PRICKLE2: variants seen among roughly 807,000 people sequenced by gnomAD.
The protein encoded by PRICKLE2 is prickle planar cell polarity protein 2.
Under a neutral mutation model 81.4 loss-of-function variants are expected in PRICKLE2, and 21 were observed. The ratio of observed to expected loss-of-function variants is 0.26; its 90% confidence interval spans 0.18 to 0.37. PRICKLE2 has a LOEUF of 0.37. Ranked by LOEUF, PRICKLE2 falls within the 10% of genes least tolerant of loss-of-function variation. The pLI is 1.00. For synonymous variants in PRICKLE2, 456 were observed against 421.5 expected, an observed-to-expected ratio of 1.08 and a Z score of -1.00; for missense variants, 940 against 1,109.0, an observed-to-expected ratio of 0.85 and a Z score of 2.16.
At chr3:64,225,884 C>T (rs1205002325), upstream of PRICKLE2, among the ~76,000 whole-genome samples, 6 of 150,400 alleles carry the variant, frequency 4.0e-5, no homozygotes, top group Non-Finnish European at 7.4e-5. Context: ...AAATGCCTCT[C>T]CTTTTTTTTT....
At chr3:64,169,906 G>T (rs1387312121) in intron 2 of PRICKLE2, among the ~76,000 whole-genome samples, 2 of 152,110 alleles carry the variant, frequency 1.3e-5, no homozygotes, top group Non-Finnish European at 2.9e-5. Context: ...TTTGCTGCAC[G>T]TGGTGGTCTT....
intron 7 of PRICKLE2, among the ~76,000 whole-genome samples, chr3:64,107,108 A>G (rs1186853511): frequency 1.3e-5 from 2 of 152,128 alleles, no homozygotes; most frequent in African/African-American, 2.4e-5. Flanking sequence ...GCAAATGTCC[A>G]TGCACCACAG....
At chr3:64,259,646 G>C (rs2079587097) in intron 2 of PRICKLE2, among the ~76,000 whole-genome samples, 1 of 145,280 alleles carries the variant, frequency 6.9e-6, no homozygotes, top group African/African-American at 2.6e-5. Flanking sequence ...GAGATTATGA[G>C]ATTATGTAGA....
intron 7 of PRICKLE2, among the ~76,000 whole-genome samples, chr3:64,140,190 A>G (rs2077339113): frequency 6.6e-6 from 1 of 152,168 alleles, no homozygotes; most frequent in Admixed American, 6.5e-5. Context: ...CATTTCAAAG[A>G]TGAGGATAGT....
intron 1 of PRICKLE2, among the ~76,000 whole-genome samples, chr3:64,223,556 ACT>A (rs1232132991): frequency 6.6e-6 from 1 of 151,954 alleles, no homozygotes; most frequent in African/African-American, 2.4e-5. Context: ...ATGCTATTTT[ACT>A]CTTTCTGGCT....
At chr3:64,261,795 T>C (rs704411) in intron 2 of PRICKLE2, among the ~76,000 whole-genome samples, 130,441 of 152,066 alleles carry the variant, frequency 0.86, 56,255 homozygotes, top group Non-Finnish European at 0.88. Flanking sequence ...CTAGAACTTG[T>C]TAAGGTGGGA....
intron 2 of PRICKLE2, chr3:64,182,673 A>T (rs1483395530): frequency 6.6e-6 from 1 of 152,164 alleles, no homozygotes; most frequent in African/African-American, 2.4e-5. Context: ...TGGAATTGTG[A>T]GAGAATAAAT....
At chr3:64,117,331 T>C (rs1008972963) in intron 7 of PRICKLE2, among the ~76,000 whole-genome samples, 2 of 152,134 alleles carry the variant, frequency 1.3e-5, no homozygotes, top group Non-Finnish European at 2.9e-5. Flanking sequence ...TTCAACATAG[T>C]ATTAGGAGTC....
upstream of PRICKLE2, among the ~76,000 whole-genome samples, chr3:64,228,581 G>GA (rs912583952): frequency 2.0e-5 from 3 of 151,476 alleles, no homozygotes; most frequent in African/African-American, 4.9e-5. Flanking sequence ...GAAAAAGTGA[G>GA]AAAAAACTAC....
At chr3:64,190,231 C>T (rs1015685184) in intron 2 of PRICKLE2, 1 of 152,246 alleles carries the variant, frequency 6.6e-6, no homozygotes, top group African/African-American at 2.4e-5. Context: ...CCCCCCAGCA[C>T]CCTGCTCCAC....
chr3:64,187,611 T>C (rs2078259118), intron 2 of PRICKLE2: 1 of 152,242 alleles, frequency 6.6e-6, no homozygotes, highest in South Asian at 2.1e-4. Context: ...GGCTGGTGAG[T>C]CTAATGATGG....
At chr3:64,172,451 T>C (rs1031738058) in intron 2 of PRICKLE2, among the ~76,000 whole-genome samples, 4 of 152,258 alleles carry the variant, frequency 2.6e-5, no homozygotes, top group African/African-American at 9.6e-5. Context: ...ATTGTTTGGG[T>C]TCCAATAATG....
intron 7 of PRICKLE2, among the ~76,000 whole-genome samples, chr3:64,139,580 G>T (rs1385130939): frequency 1.3e-5 from 2 of 152,160 alleles, no homozygotes; most frequent in Non-Finnish European, 2.9e-5. Flanking sequence ...CCACACAGCA[G>T]CTGAAGCCAT....
chr3:64,198,748 C>A, intron 2 of PRICKLE2, 36 bp downstream of exon 2: 3 of 1,610,480 alleles, frequency 1.9e-6, no homozygotes, highest in East Asian at 4.5e-5. Flanking sequence ...AAGTGAAACA[C>A]CCAAACCACC....
intron 1 of PRICKLE2, among the ~76,000 whole-genome samples, chr3:64,220,325 A>C (rs1004757563): frequency 6.6e-6 from 1 of 152,146 alleles, no homozygotes; most frequent in Non-Finnish European, 1.5e-5. Context: ...ACAAGGTTTG[A>C]TTTTAAGGAG....
intron 2 of PRICKLE2, among the ~76,000 whole-genome samples, chr3:64,259,224 G>A (rs1279504688): frequency 6.6e-6 from 1 of 152,140 alleles, no homozygotes; most frequent in African/African-American, 2.4e-5. Flanking sequence ...TGATAACAGT[G>A]GCAGCAACAC....
At chr3:64,153,161 G>A in intron 6 of PRICKLE2, 21 bp downstream of exon 6, 1 of 1,612,720 alleles carries the variant, frequency 6.2e-7, no homozygotes, top group South Asian at 1.1e-5. Context: ...GGACCAAGCT[G>A]ACTGCCAAAT....
intron 2 of PRICKLE2, among the ~76,000 whole-genome samples, chr3:64,174,085 C>T (rs918843677): frequency 2.6e-5 from 4 of 152,022 alleles, no homozygotes; most frequent in African/African-American, 7.2e-5. Context: ...TATGCTAGTA[C>T]GTTGTTATCA....
chr3:64,257,094 C>T (rs73832140), intron 2 of PRICKLE2, among the ~76,000 whole-genome samples: 52 of 152,326 alleles, frequency 3.4e-4, no homozygotes, highest in African/African-American at 1.2e-3. Flanking sequence ...CATAGTAATG[C>T]TTCACCCATT....
Sources: gnomAD v4.1 joint callset for allele counts (sites outside exome capture counted in the v4.1 genomes callset) on GRCh38, gnomAD v4.1.1 for gene constraint, MANE v1.5 for transcripts, NCBI Gene and HGNC (gene_info 2026-07-23, HGNC 2026-07-21) for gene names.